The following RFPL4A variants were observed in gnomAD, a reference collection of about 807,000 sequenced individuals.
The protein encoded by RFPL4A is ret finger protein-like 4A.
Under a neutral mutation model 8.3 loss-of-function variants are expected in RFPL4A, and 4 were observed. The observed-to-expected ratio is 0.48, with a 90% CI of 0.24 to 1.10. The LOEUF is 1.10. RFPL4A is among the 50% of genes least tolerant of loss of function. RFPL4A has a pLI of 0.18. For synonymous variants in RFPL4A, 43 were observed against 136.6 expected (o/e 0.31, Z 4.78); for missense variants, 111 against 358.7 (o/e 0.31, Z 5.58).
upstream of RFPL4A, among the ~76,000 whole-genome samples, chr19:55,757,818 C>T (rs923136998): frequency 1.1e-4 from 17 of 151,480 alleles, no homozygotes; most frequent in African/African-American, 3.9e-4. Context: ...CAAATCAACC[C>T]ACTGGGCTTG....
upstream of RFPL4A, among the ~76,000 whole-genome samples, chr19:55,757,413 G>C (rs1436681863): frequency 6.6e-6 from 1 of 152,026 alleles, no homozygotes; most frequent in Admixed American, 6.6e-5. Flanking sequence ...AGTGAACAGG[G>C]CCTGGGGATC....
intron 1 of RFPL4A, among the ~76,000 whole-genome samples, chr19:55,759,894 T>C (rs544837620): frequency 2.0e-4 from 30 of 151,676 alleles, no homozygotes; most frequent in Admixed American, 7.2e-4. Flanking sequence ...AATTGCCTTC[T>C]TTTTTATGGT....
chr19:55,758,480 A>G (rs1355806810), upstream of RFPL4A, among the ~76,000 whole-genome samples: 1 of 151,748 alleles, frequency 6.6e-6, no homozygotes, highest in South Asian at 2.1e-4. Flanking sequence ...AATGAATCTC[A>G]TTTTACTTAT....
upstream of RFPL4A, among the ~76,000 whole-genome samples, chr19:55,757,365 A>C (rs1989190896): frequency 6.6e-6 from 1 of 151,998 alleles, no homozygotes; most frequent in Non-Finnish European, 1.5e-5. Context: ...CCAGAACTTA[A>C]AGTATAATTA....
rs1989296558 is a variant in RFPL4A at position 55,762,054 on chromosome 19, T to C, written c.254T>C (p.Leu85Pro). The C allele has an allele frequency of 6.8e-7, 1 of 1,479,476 alleles. No individual in the cohort carries two copies. The highest frequency in any genetic ancestry group is 1.5e-5 in the African/African-American group (1 of 67,544). 91.6% of individuals were successfully genotyped at this position (1,479,476 alleles called of 1,614,324 possible). Residue 85 changes from leucine (L) to proline (P), a missense_variant, in exon 2 of 3, where the codon CTA becomes CCA. By Grantham distance (98) the Leu-to-Pro change is moderately conservative. Transcript: ENST00000434937. ...KELEPKLKSVLTMNPRMRKFQ... is the reference protein window; with the variant it reads ...KELEPKLKSVPTMNPRMRKFQ... ...CTAGAGCCCAAGCTGAAATCTGTTC[T>C]AACAATGAACCCAAGGATGAGGAAG...
chr19:55,763,013 T>G lies in RFPL4A; in HGVS notation c.702T>G (p.Asp234Glu). The change falls in exon 3 of 3, where the codon GAT (aspartate) becomes GAG (glutamate). Residue 234 changes from aspartate to glutamate, a missense_variant. Coordinates refer to ENST00000434937, the MANE Select transcript of RFPL4A (RefSeq NM_001145014.2). Reference protein sequence around the residue: ...MRSIAFYNVSDGCHIYTFIEI... With the variant: ...MRSIAFYNVSEGCHIYTFIEI... ...CCATTGCCTTTTACAATGTTAGTGATGGGTGCCATATCTACACATTCATCG... is the reference window on the plus strand; with the variant it reads ...CCATTGCCTTTTACAATGTTAGTGAGGGGTGCCATATCTACACATTCATCG... The G allele has an allele frequency of 6.4e-7, 1 of 1,551,992 alleles. No homozygotes were observed. The highest frequency in any genetic ancestry group is 8.7e-7 in the Non-Finnish European group (1 of 1,147,018).
chr19:55,758,173 T>C (rs1989209218), upstream of RFPL4A, among the ~76,000 whole-genome samples: 1 of 152,192 alleles, frequency 6.6e-6, no homozygotes, highest in African/African-American at 2.4e-5. Flanking sequence ...AAGGATTTCA[T>C]CTAATATATG....
At position 55,763,155 on chromosome 19, in the gene RFPL4A, G is replaced by A. The variant is rs1187964157; in HGVS notation, c.844G>A (p.Val282Ile). 5.2e-6 allele frequency: 8 copies of A among 1,536,510 alleles called. No homozygotes were observed. In the East Asian group the frequency reaches 1.5e-4, roughly 29 times the overall value. ...VINPSAASAP[V>I]SSEGK ...CAATCCATCCGCTGCCAGTGCCCCA[G>A]TTTCTTCTGAGGGAAAGTAAATAAA... Residue 282 changes from valine to isoleucine, a missense_variant, in exon 3 of 3, where the codon GTT (valine) becomes ATT (isoleucine). Physicochemically the swap from Val to Ile is conservative, Grantham distance 29. Coordinates refer to ENST00000434937, the MANE Select transcript of RFPL4A (RefSeq NM_001145014.2).
chr19:55,763,310 A>G lies in RFPL4A; in HGVS notation c.*135A>G, dbSNP rs1989332733. 1.4e-6 allele frequency: 1 copy of G among 710,662 alleles called. No homozygotes were observed. Among genetic ancestry groups the G allele is most frequent in the Non-Finnish European group, 2.3e-6 (1 of 430,510 alleles). 44.0% of individuals were successfully genotyped at this position (710,662 alleles called of 1,614,324 possible). On this transcript the variant is annotated 3_prime_UTR_variant, in exon 3 of 3. Transcript: ENST00000434937. ...CCATCACTCTGTAAACCATGAACAG[A>G]AAGCAATTATATTAATGAGGGGAAA...
rs755890355 is a variant in RFPL4A at position 55,763,101 on chromosome 19, C to G, written c.790C>G (p.Gln264Glu). Reference protein sequence around the residue: ...FAHKRGSQDDQSILSICSVIN... With the variant: ...FAHKRGSQDDESILSICSVIN... ...TCATAAACGTGGAAGTCAAGATGAT[C>G]AGAGCATCCTGAGTATCTGTTCTGT... Residue 264 changes from glutamine (Q) to glutamate (E), a missense_variant, in exon 3 of 3, where the codon CAG (glutamine) becomes GAG (glutamate). Physicochemically the swap from Gln to Glu is conservative, Grantham distance 29. Coordinates refer to ENST00000434937, the MANE Select transcript of RFPL4A (RefSeq NM_001145014.2). 1 of 1,548,900 alleles carries G rather than the reference C, an allele frequency of 6.5e-7. No homozygotes were observed. Among genetic ancestry groups the G allele is most frequent in the Non-Finnish European group, 8.7e-7 (1 of 1,146,592 alleles).
Position 55,762,048 on chromosome 19 carries a change from C to T in RFPL4A, c.248C>T (p.Ser83Phe). 6.7e-7 allele frequency: 1 copy of T among 1,486,974 alleles called. No individual in the cohort carries two copies. Among genetic ancestry groups the T allele is most frequent in the East Asian group, 2.4e-5 (1 of 41,102 alleles). 92.1% of individuals were successfully genotyped at this position (1,486,974 alleles called of 1,614,324 possible). A position where few individuals can be genotyped will look rare whatever the true frequency, so the allele number is the denominator to read the frequency against. ...IIKELEPKLKSVLTMNPRMRK... is the reference protein window; with the variant it reads ...IIKELEPKLKFVLTMNPRMRK... ...AAGGAACTAGAGCCCAAGCTGAAAT[C>T]TGTTCTAACAATGAACCCAAGGATG... is the stretch of plus-strand genomic sequence containing the variant. Residue 83 changes from serine (S) to phenylalanine (F), a missense_variant, in exon 2 of 3, where the codon TCT becomes TTT. Physicochemically the swap from Ser to Phe is radical, Grantham distance 155. Transcript: ENST00000434937.
In RFPL4A at chr19:55,762,830, C is replaced by G; in HGVS notation, c.519C>G (p.Asn173Lys). ...WDVGVCKESV[N>K]RQGKIVLSSE... is the part of the protein sequence containing the mutation. ...TGGGCGTGTGCAAGGAATCTGTGAA[C>G]CGACAGGGGAAGATTGTGCTTTCTT... The change falls in exon 3 of 3, where the codon AAC (asparagine) becomes AAG (lysine). Residue 173 changes from asparagine (N) to lysine (K), a missense_variant. Physicochemically the swap from Asn to Lys is moderately conservative, Grantham distance 94. Coordinates refer to ENST00000434937, the MANE Select transcript of RFPL4A (RefSeq NM_001145014.2). The G allele has an allele frequency of 5.5e-6, 8 of 1,443,566 alleles. 1 individual carries two copies. In the South Asian group the frequency reaches 9.8e-5, roughly 18 times the overall value. The allele number at this position is 1,443,566 out of a possible 1,614,324, so 89.4% of individuals were successfully genotyped here. A position where few individuals can be genotyped will look rare whatever the true frequency, so the allele number is the denominator to read the frequency against.
chr19:55,760,622 A>T (rs191637989), intron 1 of RFPL4A, among the ~76,000 whole-genome samples: 38 of 151,320 alleles, frequency 2.5e-4, no homozygotes, highest in East Asian at 8.0e-4. Context: ...ACACTGCAGA[A>T]TGTGTGATTT....
In RFPL4A at chr19:55,761,910, C is replaced by A. The variant is rs9710441; in HGVS notation, c.110C>A (p.Ser37Ter). The A allele has an allele frequency of 9.3e-6, 14 of 1,509,628 alleles. No homozygotes were observed. Among genetic ancestry groups the A allele is most frequent in the Non-Finnish European group, 1.2e-5 (13 of 1,114,644 alleles). The allele number at this position is 1,509,628 out of a possible 1,614,324, so 93.5% of individuals were successfully genotyped here. Residue 37 changes from serine (S) to a stop codon, truncating the protein, a stop_gained, in exon 2 of 3, where the codon TCA (serine) becomes TAA (stop). Coordinates refer to ENST00000434937, the MANE Select transcript of RFPL4A (RefSeq NM_001145014.2). LOFTEE classifies it high-confidence loss of function. ...GYACCLQCLN[S>*]LQKEPDGEGL... ...GCCTGCTGCCTCCAGTGCCTCAATTCACTCCAGAAGGAGCCCGATGGGGAA... is the reference window on the plus strand; with the variant it reads ...GCCTGCTGCCTCCAGTGCCTCAATTAACTCCAGAAGGAGCCCGATGGGGAA...
rs1989320966 is a variant in RFPL4A, at chr19:55,762,920, T to C, written c.609T>C (p.Pro203=). ...EGKVFAASTV[P]MTPLWVSPQL... is the part of the protein sequence containing the mutation. ...AGGTCTTTGCTGCCAGCACTGTGCC[T>C]ATGACTCCTCTCTGGGTGAGTCCCC... Residue 203 remains proline (P), a synonymous_variant, in exon 3 of 3, where the codon CCT becomes CCC. Transcript: ENST00000434937. 6.4e-7 allele frequency: 1 copy of C among 1,550,642 alleles called. No individual in the cohort carries two copies. Among genetic ancestry groups the C allele is most frequent in the African/African-American group, 1.4e-5 (1 of 72,438 alleles).
intron 1 of RFPL4A, among the ~76,000 whole-genome samples, chr19:55,760,521 CA>C (rs1428922507): frequency 6.6e-6 from 1 of 151,580 alleles, no homozygotes; most frequent in African/African-American, 2.4e-5. Context: ...GTGAACTAAT[CA>C]TTAGGTTTTC....
rs1989291123 is a variant in RFPL4A, at chr19:55,761,894, C to T, written c.94C>T (p.Leu32Phe). 2 of 1,503,182 alleles carry T rather than the reference C, an allele frequency of 1.3e-6. No homozygotes were observed. The highest frequency in any genetic ancestry group is 1.8e-6 in the Non-Finnish European group (2 of 1,109,054). 93.1% of individuals were successfully genotyped at this position (1,503,182 alleles called of 1,614,324 possible). A position where few individuals can be genotyped will look rare whatever the true frequency, so the allele number is the denominator to read the frequency against. ...VQLKCGYACC[L>F]QCLNSLQKEP... Reference sequence around the variant, plus strand: ...ACTGAAATGTGGATATGCCTGCTGCCTCCAGTGCCTCAATTCACTCCAGAA... The same window carrying T: ...ACTGAAATGTGGATATGCCTGCTGCTTCCAGTGCCTCAATTCACTCCAGAA... Residue 32 changes from leucine to phenylalanine, a missense_variant, in exon 2 of 3, where the codon CTC becomes TTC. By Grantham distance (22) the Leu-to-Phe change is conservative. Coordinates refer to ENST00000434937, the MANE Select transcript of RFPL4A (RefSeq NM_001145014.2).
chr19:55,759,199 A>AT, intron 1 of RFPL4A, 24 bp downstream of exon 1: 1 of 152,694 alleles, frequency 6.5e-6, no homozygotes, highest in African/African-American at 2.4e-5. Flanking sequence ...TATGGAATTC[A>AT]TTTTTACAAA....
chr19:55,763,243 C>G lies in RFPL4A; in HGVS notation c.*68C>G. The G allele has an allele frequency of 7.5e-7, 1 of 1,332,486 alleles. No homozygotes were observed. The highest frequency in any genetic ancestry group is 1.0e-6 in the Non-Finnish European group (1 of 961,192). 82.5% of individuals were successfully genotyped at this position (1,332,486 alleles called of 1,614,324 possible). On this transcript the variant is annotated 3_prime_UTR_variant, in exon 3 of 3. Coordinates refer to ENST00000434937, the MANE Select transcript of RFPL4A (RefSeq NM_001145014.2). ...CCCATAGCCATAGCTAAGAACTTTT[C>G]CGCTAGATACACATAGGTACAAAGG...
Sources: gnomAD v4.1 joint callset for allele counts (sites outside exome capture counted in the v4.1 genomes callset) on GRCh38, gnomAD v4.1.1 for gene constraint, MANE v1.5 for transcripts, NCBI Gene and HGNC (gene_info 2026-07-23, HGNC 2026-07-21) for gene names.